The following PTPRC variants were observed in gnomAD, a reference collection of about 807,000 sequenced individuals.
PTPRC encodes receptor-type tyrosine-protein phosphatase C.
Under a neutral mutation model 155.9 loss-of-function variants are expected in PTPRC, and 44 were observed. The ratio of observed to expected loss-of-function variants is 0.28; its 90% CI spans 0.22 to 0.36. PTPRC has a LOEUF of 0.36. PTPRC is among the 10% of genes least tolerant of loss of function. PTPRC has a pLI of 1.00. For missense variants in PTPRC, 1,401 were observed against 1,564.6 expected (o/e 0.90, Z 1.76); for synonymous variants, 525 against 533.1 (o/e 0.98, Z 0.21).
intron 9 of PTPRC, 35 bp downstream of exon 9, chr1:198,706,987 A>T: frequency 6.6e-7 from 1 of 1,509,224 alleles, no homozygotes; most frequent in East Asian, 2.3e-5. Context: ...ATAAATTTAT[A>T]AAAACAGTAC....
intron 11 of PTPRC, among the ~76,000 whole-genome samples, chr1:198,710,350 T>G (rs914670633): frequency 3.3e-5 from 5 of 152,198 alleles, no homozygotes; most frequent in African/African-American, 1.2e-4. Flanking sequence ...TAGTAAATTT[T>G]GAAACTGGAA....
intron 13 of PTPRC, 129 bp downstream of exon 13, chr1:198,716,969 C>A: frequency 2.5e-6 from 2 of 788,576 alleles, no homozygotes; most frequent in South Asian, 1.7e-5. Flanking sequence ...ACATCTAGGG[C>A]TTATAAACAC....
chr1:198,694,130 A>T, intron 3 of PTPRC: 2 of 1,543,122 alleles, frequency 1.3e-6, no homozygotes, highest in Non-Finnish European at 1.7e-6. Context: ...AGCCCCTCAC[A>T]AACCACTGGA....
At chr1:198,705,539 G>A (rs954618195) in intron 8 of PTPRC, among the ~76,000 whole-genome samples, 3 of 149,922 alleles carry the variant, frequency 2.0e-5, no homozygotes, top group African/African-American at 7.4e-5. Flanking sequence ...TCCTGCCTCA[G>A]CCTCCCAAGT....
At chr1:198,679,840 G>A in intron 2 of PTPRC, 1 of 585,038 alleles carries the variant, frequency 1.7e-6, no homozygotes, top group Admixed American at 2.8e-5. Context: ...GTCCGGGTCT[G>A]TTAGGACCAA....
Position 198,757,031 on chromosome 1 carries a change from T to G in PTPRC, c.*850T>G, listed in dbSNP as rs535007569. The G allele has an allele frequency of 6.6e-6, 1 of 152,024 alleles. No individual in the cohort carries two copies. The highest frequency in any genetic ancestry group is 2.4e-5 in the African/African-American group (1 of 41,548). 9.4% of individuals were successfully genotyped at this position (152,024 alleles called of 1,614,324 possible). Reference sequence around the variant, plus strand: ...AAATGCAATATGTATTAATATTCATTGTATAAAAATAGAAGAATACAAACA... The same window carrying G: ...AAATGCAATATGTATTAATATTCATGGTATAAAAATAGAAGAATACAAACA... On this transcript the variant is annotated 3_prime_UTR_variant, in exon 33 of 33. Transcript: ENST00000442510.
intron 9 of PTPRC, among the ~76,000 whole-genome samples, chr1:198,707,919 C>T (rs1460178693): frequency 6.6e-6 from 1 of 152,098 alleles, no homozygotes; most frequent in African/African-American, 2.4e-5. Context: ...TGAAACACTA[C>T]CAAAATATAT....
intron 5 of PTPRC, 197 bp downstream of exon 5, chr1:198,699,901 A>C: frequency 1.4e-6 from 1 of 702,122 alleles, no homozygotes; most frequent in Non-Finnish European, 2.4e-6. Flanking sequence ...TAATAGTGAG[A>C]ATTGTGAGAC....
At chr1:198,694,953 T>G (rs1406504493) in intron 3 of PTPRC, 1 of 981,206 alleles carries the variant, frequency 1.0e-6, no homozygotes, top group African/African-American at 1.8e-5. Context: ...GATGGATTTA[T>G]TTGTGAGTTA....
chr1:198,706,383 T>C (rs953303043), intron 8 of PTPRC, among the ~76,000 whole-genome samples: 3 of 152,118 alleles, frequency 2.0e-5, no homozygotes, highest in Non-Finnish European at 4.4e-5. Flanking sequence ...GTGCATCAAG[T>C]CAACAAGTAA....
At chr1:198,647,748 A>G (rs539836494) in intron 2 of PTPRC, among the ~76,000 whole-genome samples, 2 of 151,988 alleles carry the variant, frequency 1.3e-5, no homozygotes, top group East Asian at 1.9e-4. Context: ...TGACTAGGAC[A>G]ACTAGATCTA....
At chr1:198,728,622 G>A (rs1654252202) in intron 16 of PTPRC, among the ~76,000 whole-genome samples, 174 bp downstream of exon 16, 1 of 152,074 alleles carries the variant, frequency 6.6e-6, no homozygotes, top group Non-Finnish European at 1.5e-5. Flanking sequence ...TGGTTTTATT[G>A]GTTTGAATTA....
At chr1:198,657,300 A>G (rs1213840517) in intron 2 of PTPRC, among the ~76,000 whole-genome samples, 1 of 151,992 alleles carries the variant, frequency 6.6e-6, no homozygotes, top group Non-Finnish European at 1.5e-5. Context: ...GAATATTATC[A>G]TCAGATTACT....
intron 12 of PTPRC, among the ~76,000 whole-genome samples, chr1:198,715,988 C>T (rs1653566862): frequency 1.3e-5 from 2 of 152,126 alleles, no homozygotes; most frequent in Admixed American, 6.6e-5. Context: ...TAGACACTGT[C>T]CTACCTCTCA....
At chr1:198,672,053 G>A (rs1304937564) in intron 2 of PTPRC, among the ~76,000 whole-genome samples, 1 of 152,118 alleles carries the variant, frequency 6.6e-6, no homozygotes, top group Non-Finnish European at 1.5e-5. Context: ...AAATTCCATT[G>A]GGTTTTGCTT....
At chr1:198,716,914 TTCTA>T (rs1470279071) in intron 13 of PTPRC, 74 bp downstream of exon 13, 1 of 1,395,696 alleles carries the variant, frequency 7.2e-7, no homozygotes, top group African/African-American at 1.4e-5. Context: ...CCTACAATAT[TTCTA>T]TCTTTATTCT....
intron 2 of PTPRC, among the ~76,000 whole-genome samples, chr1:198,648,090 G>A (rs1403041654): frequency 7.2e-5 from 11 of 151,948 alleles, no homozygotes; most frequent in African/African-American, 1.9e-4. Flanking sequence ...GTTACAACCA[G>A]ATTTTCTTTG....
chr1:198,700,731 G>A (rs114773273), intron 5 of PTPRC, among the ~76,000 whole-genome samples: 158 of 152,220 alleles, frequency 1.0e-3, no homozygotes, highest in Middle Eastern at 3.4e-3. Flanking sequence ...TCCTGATCAA[G>A]GAATTCTTCT....
chr1:198,693,988 A>G, intron 3 of PTPRC: 1 of 1,541,818 alleles, frequency 6.5e-7, no homozygotes, highest in South Asian at 1.2e-5. Context: ...TGTGATTGAC[A>G]CACAATCACG....
Sources: allele counts gnomAD v4.1 joint callset (sites outside exome capture counted in the v4.1 genomes callset), GRCh38; gene constraint gnomAD v4.1.1; transcripts MANE v1.5; gene names NCBI Gene and HGNC (gene_info 2026-07-23, HGNC 2026-07-21).